The following ADGRL3 variants were observed in gnomAD, a reference collection of about 807,000 sequenced individuals.
ADGRL3 encodes the protein adhesion G protein-coupled receptor L3.
A neutral mutation model predicts 153.5 loss-of-function variants in ADGRL3; 62 were observed. That is an observed-to-expected ratio of 0.40 (90% CI 0.33 to 0.50). The LOEUF (loss-of-function observed/expected upper bound fraction) is 0.50, where lower values mean the gene tolerates loss of function less well. Among genes scored for constraint, ADGRL3 ranks in the 20% least tolerant of loss-of-function variants. ADGRL3 has a pLI of 0.47. For missense variants in ADGRL3, 1,641 were observed against 1,859.4 expected, an observed-to-expected ratio of 0.88 and a Z score of 2.16; for synonymous variants, 710 against 672.5, an observed-to-expected ratio of 1.06 and a Z score of -0.86.
intron 2 of ADGRL3, among the ~76,000 whole-genome samples, chr4:61,472,356 G>C (rs963350899): frequency 1.3e-5 from 2 of 152,078 alleles, no homozygotes; most frequent in Admixed American, 1.3e-4. Context: ...CTGACTCAGT[G>C]TTTCTTATGA....
chr4:61,973,695 A>T (rs540052557), intron 17 of ADGRL3, among the ~76,000 whole-genome samples: 1 of 149,706 alleles, frequency 6.7e-6, no homozygotes, highest in South Asian at 2.1e-4. Flanking sequence ...TATTTTGTTT[A>T]TTTTTTTTTA....
At chr4:61,675,942 C>A (rs2095175793) in intron 5 of ADGRL3, among the ~76,000 whole-genome samples, 1 of 151,396 alleles carries the variant, frequency 6.6e-6, no homozygotes, top group African/African-American at 2.4e-5. Context: ...ATCTTCACTT[C>A]CTCCCCCCTC....
intron 9 of ADGRL3, among the ~76,000 whole-genome samples, chr4:61,849,052 A>G (rs2098170193): frequency 6.6e-6 from 1 of 152,194 alleles, no homozygotes; most frequent in Admixed American, 6.5e-5. Flanking sequence ...GTTATAAGTT[A>G]TACACAGTGA....
intron 9 of ADGRL3, among the ~76,000 whole-genome samples, chr4:61,856,771 G>T (rs1033726533): frequency 4.6e-5 from 7 of 151,134 alleles, no homozygotes; most frequent in Non-Finnish European, 1.0e-4. Flanking sequence ...CATATGGCTG[G>T]TTTTTGTATT....
intron 8 of ADGRL3, among the ~76,000 whole-genome samples, chr4:61,754,331 G>A (rs1017492543): frequency 2.6e-5 from 4 of 151,998 alleles, no homozygotes; most frequent in African/African-American, 9.7e-5. Flanking sequence ...CAAATCTAGA[G>A]AGATCAGGCA....
intron 5 of ADGRL3, among the ~76,000 whole-genome samples, chr4:61,621,954 T>TA (rs998895608): frequency 2.6e-5 from 4 of 152,144 alleles, no homozygotes; most frequent in African/African-American, 7.2e-5. Context: ...CCTGTACTTG[T>TA]AAGCAAAACT....
intron 17 of ADGRL3, among the ~76,000 whole-genome samples, chr4:61,958,258 A>G (rs1319998131): frequency 6.6e-6 from 1 of 152,198 alleles, no homozygotes; most frequent in Non-Finnish European, 1.5e-5. Context: ...AATTCATTAA[A>G]AGAAAAACCA....
chr4:62,048,582 G>A (rs1732423682), intron 25 of ADGRL3, among the ~76,000 whole-genome samples: 1 of 151,030 alleles, frequency 6.6e-6, no homozygotes, highest in African/African-American at 2.4e-5. Flanking sequence ...TTTGAGCCAG[G>A]GTCTCCCTCT....
chr4:61,896,622 A>G (rs1279067323), intron 11 of ADGRL3, among the ~76,000 whole-genome samples: 1 of 152,198 alleles, frequency 6.6e-6, no homozygotes, highest in African/African-American at 2.4e-5. Flanking sequence ...ATACTGTATA[A>G]TAATCCATAA....
At chr4:61,646,358 A>T (rs4860098) in intron 5 of ADGRL3, among the ~76,000 whole-genome samples, 6 of 151,714 alleles carry the variant, frequency 4.0e-5, no homozygotes, top group Middle Eastern at 3.4e-3. Flanking sequence ...GAGGAGAGGC[A>T]CTCTGCTTTT....
At chr4:61,322,232 A>G (rs2095372330) in intron 1 of ADGRL3, among the ~76,000 whole-genome samples, 1 of 152,198 alleles carries the variant, frequency 6.6e-6, no homozygotes. Context: ...ACCCACCTCC[A>G]TGATTCAGTC....
chr4:61,498,585 A>G, intron 3 of ADGRL3, among the ~76,000 whole-genome samples: 1 of 152,088 alleles, frequency 6.6e-6, no homozygotes, highest in African/African-American at 2.4e-5. Context: ...TAACAAAATA[A>G]TATTAATGTG....
intron 8 of ADGRL3, among the ~76,000 whole-genome samples, chr4:61,748,789 CATAGG>C (rs1305125145): frequency 2.6e-5 from 4 of 151,892 alleles, no homozygotes; most frequent in Non-Finnish European, 5.9e-5. Flanking sequence ...CCATTCAGGA[CATAGG>C]CATGGGCAAG....
At chr4:61,548,330 T>C (rs2098723683) in intron 4 of ADGRL3, among the ~76,000 whole-genome samples, 1 of 151,756 alleles carries the variant, frequency 6.6e-6, no homozygotes, top group Non-Finnish European at 1.5e-5. Context: ...TTGCTTTTGA[T>C]GATCTTCATC....
At chr4:61,388,186 A>T (rs1002198975) in intron 2 of ADGRL3, among the ~76,000 whole-genome samples, 1 of 152,164 alleles carries the variant, frequency 6.6e-6, no homozygotes, top group Non-Finnish European at 1.5e-5. Flanking sequence ...GAGTCAATAG[A>T]GGACCTTGGG....
At chr4:61,735,584 A>C (rs2151849850) in intron 8 of ADGRL3, among the ~76,000 whole-genome samples, 1 of 152,244 alleles carries the variant, frequency 6.6e-6, no homozygotes, top group South Asian at 2.1e-4. Context: ...CTTAAACTAA[A>C]ATTTATGTTT....
intron 21 of ADGRL3, among the ~76,000 whole-genome samples, chr4:62,008,135 A>G (rs999592114): frequency 6.6e-6 from 1 of 152,110 alleles, no homozygotes; most frequent in African/African-American, 2.4e-5. Context: ...GGAGGAGTTA[A>G]AAACCACAGG....
At chr4:61,790,779 A>G (rs1394393228) in intron 8 of ADGRL3, among the ~76,000 whole-genome samples, 1 of 152,198 alleles carries the variant, frequency 6.6e-6, no homozygotes, top group Non-Finnish European at 1.5e-5. Flanking sequence ...ACAGCTCCAC[A>G]TGGTTGGGAA....
At chr4:61,899,051 C>T (rs2098648702) in intron 11 of ADGRL3, among the ~76,000 whole-genome samples, 1 of 152,154 alleles carries the variant, frequency 6.6e-6, no homozygotes, top group South Asian at 2.1e-4. Flanking sequence ...CCTGTTGGCA[C>T]AGCTGCCACC....
Sources: allele counts gnomAD v4.1 joint callset (sites outside exome capture counted in the v4.1 genomes callset), GRCh38; gene constraint gnomAD v4.1.1; transcripts MANE v1.5; gene names NCBI Gene and HGNC (gene_info 2026-07-23, HGNC 2026-07-21).